The following PMEPA1 variants were observed in gnomAD, a reference collection of about 807,000 sequenced individuals.
PMEPA1 encodes prostate transmembrane protein, androgen induced 1, also known as protein TMEPAI.
Under a neutral mutation model 23.0 loss-of-function variants are expected in PMEPA1, and 11 were observed. The observed-to-expected ratio is 0.48, with a 90% CI of 0.30 to 0.79. The LOEUF (loss-of-function observed/expected upper bound fraction) is 0.79, where lower values mean the gene tolerates loss of function less well. Ranked by LOEUF, PMEPA1 falls within the 30% of genes least tolerant of loss-of-function variation. The pLI is 0.06. For synonymous variants in PMEPA1, 204 were observed against 166.4 expected (o/e 1.23, Z -1.74); for missense variants, 377 against 390.9 (o/e 0.96, Z 0.30).
At chr20:57,679,821 C>CTT (rs2071687905) in intron 1 of PMEPA1, among the ~76,000 whole-genome samples, 2 of 152,188 alleles carry the variant, frequency 1.3e-5, no homozygotes, top group African/African-American at 4.8e-5. Flanking sequence ...CTCTTAGATA[C>CTT]TGAGTTTCTA....
chr20:57,678,336 G>T (rs1400185595), intron 1 of PMEPA1, among the ~76,000 whole-genome samples: 1 of 152,202 alleles, frequency 6.6e-6, no homozygotes, highest in African/African-American at 2.4e-5. Flanking sequence ...TTTTACAACC[G>T]CATGCTAACA....
At position 57,664,143 on chromosome 20, in the gene PMEPA1, G is replaced by A. The variant is rs148522620; in HGVS notation, c.110-4446C>T. Reference sequence around the variant, plus strand: ...AGACCCAAGGGCACGCGCACCGACCGTCCCTGGCCCCAGCCGTGTTCCCAC... The same window carrying A: ...AGACCCAAGGGCACGCGCACCGACCATCCCTGGCCCCAGCCGTGTTCCCAC... On this transcript the variant is annotated intron_variant, in intron 1 of 3. Transcript: ENST00000341744. 7.8e-3 allele frequency among the ~76,000 whole-genome samples: 1,190 copies of A among 152,310 alleles called. 17 individuals carry two copies. The highest frequency in any genetic ancestry group is 0.027 in the African/African-American group (1,131 of 41,566).
chr20:57,653,573 A>C (rs1284785304), intron 2 of PMEPA1, among the ~76,000 whole-genome samples: 1 of 152,238 alleles, frequency 6.6e-6, no homozygotes, highest in African/African-American at 2.4e-5. Context: ...ATAGTTGCTC[A>C]AGCACTTGCT....
intron 1 of PMEPA1, among the ~76,000 whole-genome samples, chr20:57,662,453 A>C (rs2071435086): frequency 6.6e-6 from 1 of 152,164 alleles, no homozygotes; most frequent in Non-Finnish European, 1.5e-5. Context: ...AGCCCCGAGA[A>C]GGCTTCGGCC....
chr20:57,687,837 A>C (rs1163489154), intron 1 of PMEPA1, among the ~76,000 whole-genome samples: 2 of 152,068 alleles, frequency 1.3e-5, no homozygotes, highest in African/African-American at 2.4e-5. Flanking sequence ...AAGCTGACCC[A>C]AGCTTGCCCA....
At chr20:57,670,909 C>T (rs1039423921) in intron 1 of PMEPA1, among the ~76,000 whole-genome samples, 1 of 152,080 alleles carries the variant, frequency 6.6e-6, no homozygotes, top group Non-Finnish European at 1.5e-5. Context: ...TCCCCACCGC[C>T]CCCCCAACCC....
At chr20:57,702,982 G>A (rs1048654937) in intron 1 of PMEPA1, among the ~76,000 whole-genome samples, 5 of 152,224 alleles carry the variant, frequency 3.3e-5, no homozygotes, top group Non-Finnish European at 7.3e-5. Context: ...GCCCTGGCTG[G>A]TAAGTCATTC....
intron 1 of PMEPA1, among the ~76,000 whole-genome samples, chr20:57,663,100 C>T (rs568124421): frequency 2.6e-5 from 4 of 152,302 alleles, no homozygotes; most frequent in Non-Finnish European, 4.4e-5. Context: ...CGCATAAGAG[C>T]GTCACCCTGG....
chr20:57,686,724 G>A (rs1336256320), intron 1 of PMEPA1, among the ~76,000 whole-genome samples: 3 of 152,282 alleles, frequency 2.0e-5, no homozygotes, highest in Admixed American at 2.0e-4. Context: ...GTGAGATGGA[G>A]TGACCAGAAG....
chr20:57,674,169 G>T (rs2071605795), intron 1 of PMEPA1, among the ~76,000 whole-genome samples: 1 of 152,180 alleles, frequency 6.6e-6, no homozygotes. Flanking sequence ...AGCCTCTAGG[G>T]AAGTAATTAA....
rs553558729 is a variant in PMEPA1, at chr20:57,662,737, G to GC, written c.110-3041dup. Among the ~76,000 whole-genome samples the GC allele has an allele frequency of 3.6e-3, 465 of 130,808 alleles. 7 individuals carry two copies. The highest frequency in any genetic ancestry group is 0.013 in the African/African-American group (450 of 34,442). 85.8% of individuals were successfully genotyped at this position (130,808 alleles called of 152,430 possible). A position where few individuals can be genotyped will look rare whatever the true frequency, so the allele number is the denominator to read the frequency against. On this transcript the variant is annotated intron_variant, in intron 1 of 3. Coordinates refer to ENST00000341744, the MANE Select transcript of PMEPA1 (RefSeq NM_020182.5). ...CCACCCCCGGGGCCTGCAATTCCCT[G>GC]CCCCCCAACCCTGTGCACTCTTCAC... is the stretch of plus-strand genomic sequence containing the variant.
intron 1 of PMEPA1, among the ~76,000 whole-genome samples, chr20:57,687,346 G>A (rs1356441684): frequency 1.3e-5 from 2 of 152,200 alleles, no homozygotes; most frequent in Non-Finnish European, 2.9e-5. Flanking sequence ...ACTCAGCCCT[G>A]CCATTTAACA....
At chr20:57,695,996 T>A (rs568936262) in intron 1 of PMEPA1, among the ~76,000 whole-genome samples, 1 of 152,278 alleles carries the variant, frequency 6.6e-6, no homozygotes, top group South Asian at 2.1e-4. Flanking sequence ...GACTCTCTCC[T>A]CACCCCTCCT....
intron 1 of PMEPA1, among the ~76,000 whole-genome samples, chr20:57,673,582 T>C (rs969763285): frequency 2.0e-5 from 3 of 152,150 alleles, no homozygotes; most frequent in Admixed American, 6.5e-5. Context: ...GCTGGTCGCC[T>C]GAGAACTGCC....
intron 1 of PMEPA1, chr20:57,699,906 G>A (rs777500547): frequency 3.3e-5 from 13 of 397,992 alleles, no homozygotes; most frequent in Non-Finnish European, 5.6e-5. Flanking sequence ...CGGCCTCGGC[G>A]GTTGGAACGC....
chr20:57,683,675 G>A lies in PMEPA1; in HGVS notation c.110-23978C>T, dbSNP rs550993249. Among the ~76,000 whole-genome samples, 5 of 151,870 alleles carry A rather than the reference G, an allele frequency of 3.3e-5. No homozygotes were observed. In the South Asian group the frequency reaches 8.4e-4, roughly 26 times the overall value. ...TTATGAGAGAGCAGAAAGAACCCCC[G>A]AATGACTGTATAACTTGAAATATTA... On this transcript the variant is annotated intron_variant, in intron 1 of 3. Coordinates refer to ENST00000341744, the MANE Select transcript of PMEPA1 (RefSeq NM_020182.5). The surrounding 1 kb of genome is among the most constrained non-coding windows in gnomAD (Gnocchi z 4.3).
intron 2 of PMEPA1, among the ~76,000 whole-genome samples, chr20:57,659,139 G>A (rs1348635095): frequency 1.3e-5 from 2 of 151,528 alleles, no homozygotes; most frequent in Admixed American, 6.6e-5. Flanking sequence ...CCCAGTGGTC[G>A]CATCTCCTGC....
chr20:57,673,579 G>A (rs897780554), intron 1 of PMEPA1, among the ~76,000 whole-genome samples: 3 of 152,084 alleles, frequency 2.0e-5, no homozygotes, highest in Non-Finnish European at 4.4e-5. Flanking sequence ...AGGGCTGGTC[G>A]CCTGAGAACT....
intron 1 of PMEPA1, among the ~76,000 whole-genome samples, chr20:57,702,254 G>T (rs2072021707): frequency 6.6e-6 from 1 of 152,200 alleles, no homozygotes; most frequent in Admixed American, 6.5e-5. Context: ...GCTGTGTCTA[G>T]TGATGTCCCC....
Sources: allele counts gnomAD v4.1 joint callset (sites outside exome capture counted in the v4.1 genomes callset), GRCh38; gene constraint gnomAD v4.1.1; non-coding constraint Gnocchi (gnomAD v3.1); transcripts MANE v1.5; gene names NCBI Gene and HGNC (gene_info 2026-07-23, HGNC 2026-07-21).